ATL3: variants seen among roughly 807,000 people sequenced by gnomAD.
The protein encoded by ATL3 is atlastin-3.
Under a neutral mutation model 69.5 loss-of-function variants are expected in ATL3, and 49 were observed. That is an observed-to-expected ratio of 0.71 (90% CI 0.56 to 0.89). ATL3 has a LOEUF of 0.89. Among genes scored for constraint, ATL3 ranks in the 40% least tolerant of loss-of-function variants. ATL3 has a pLI of 0.00. For synonymous variants in ATL3, 214 were observed against 224.1 expected (o/e 0.95, Z 0.40); for missense variants, 606 against 645.7 (o/e 0.94, Z 0.67).
intron 1 of ATL3, among the ~76,000 whole-genome samples, chr11:63,670,896 G>A (rs920963179): frequency 1.3e-5 from 2 of 152,118 alleles, no homozygotes; most frequent in Non-Finnish European, 2.9e-5. Flanking sequence ...GAGGGGCAGC[G>A]CCCTGGGGCG....
rs113726146 is a variant in ATL3 at position 63,667,334 on chromosome 11, AT to A, written c.46+3955del. On this transcript the variant is annotated intron_variant, in intron 1 of 12. Coordinates refer to ENST00000398868, the MANE Select transcript of ATL3 (RefSeq NM_015459.5). ...GAAAATCTTTGTATAATTAGAAAGC[AT>A]TTTTTTTTTTTTGAGACAGATTCTT... 7.3e-3 allele frequency among the ~76,000 whole-genome samples: 1,061 copies of A among 145,224 alleles called. 8 individuals carry two copies. Among genetic ancestry groups the A allele is most frequent in the African/African-American group, 0.019 (755 of 39,976 alleles).
intron 1 of ATL3, among the ~76,000 whole-genome samples, chr11:63,660,837 T>C (rs1243270999): frequency 1.3e-5 from 2 of 152,170 alleles, no homozygotes; most frequent in Non-Finnish European, 1.5e-5. Context: ...CTAAGCTTTA[T>C]TTAGATATAT....
At chr11:63,666,969 C>T (rs571554237) in intron 1 of ATL3, among the ~76,000 whole-genome samples, 1 of 152,302 alleles carries the variant, frequency 6.6e-6, no homozygotes, top group African/African-American at 2.4e-5. Flanking sequence ...TGTGAATTTA[C>T]AACATATGTT....
intron 8 of ATL3, among the ~76,000 whole-genome samples, chr11:63,641,440 C>A (rs998634592): frequency 6.6e-6 from 1 of 152,146 alleles, no homozygotes; most frequent in African/African-American, 2.4e-5. Flanking sequence ...GAAAGGAGGT[C>A]ATACTGGATT....
chr11:63,638,223 GAAAC>G (rs1337803787), intron 8 of ATL3, among the ~76,000 whole-genome samples: 1 of 152,120 alleles, frequency 6.6e-6, no homozygotes, highest in Non-Finnish European at 1.5e-5. Context: ...TCTCATAACA[GAAAC>G]AAACTCAATC....
chr11:63,644,367 A>ATATAC, intron 6 of ATL3, 106 bp from the exon 7 acceptor site: 50 of 596,592 alleles, frequency 8.4e-5, no homozygotes, highest in Non-Finnish European at 9.9e-5. Flanking sequence ...AAGGGGGTAA[A>ATATAC]GTAGAAGGAT....
At chr11:63,668,604 A>AC (rs2134547734) in intron 1 of ATL3, among the ~76,000 whole-genome samples, 1 of 152,242 alleles carries the variant, frequency 6.6e-6, no homozygotes, top group South Asian at 2.1e-4. Context: ...GGTTTACAAA[A>AC]ATTATCTATG....
At chr11:63,652,326 TAA>T in intron 4 of ATL3, 143 bp downstream of exon 4, 2 of 583,764 alleles carry the variant, frequency 3.4e-6, no homozygotes, top group South Asian at 1.1e-4. Context: ...CTCAAACTTT[TAA>T]AAGTTTAACT....
intron 1 of ATL3, chr11:63,670,556 G>GA (rs1195580021): frequency 1.3e-5 from 2 of 152,240 alleles, no homozygotes; most frequent in Admixed American, 1.3e-4. Flanking sequence ...TCAGATCCGT[G>GA]AATACACGGT....
In ATL3 at chr11:63,659,103, C is replaced by T; in HGVS notation, c.196G>A (p.Ala66Thr). Residue 66 changes from alanine to threonine, a missense_variant, in exon 2 of 13, where the codon GCT becomes ACT. Transcript: ENST00000398868. ...RDLDVVVVSV[A>T]GAFRKGKSFI... is the part of the protein sequence containing the mutation. The stretch of plus-strand genomic sequence containing the variant: ...GACTTGCCCTTTCGGAAGGCACCAG[C>T]CACTGAAACCACCACCACATCAAGA... The T allele has an allele frequency of 6.2e-7, 1 of 1,614,012 alleles. No homozygotes were observed. Among genetic ancestry groups the T allele is most frequent in the Admixed American group, 1.7e-5 (1 of 59,966 alleles).
chr11:63,671,410 C>A, upstream of ATL3: 1 of 1,520,634 alleles, frequency 6.6e-7, no homozygotes, highest in Non-Finnish European at 8.8e-7. Flanking sequence ...ACGAACCGGG[C>A]CCTGGAAGCG....
intron 1 of ATL3, among the ~76,000 whole-genome samples, chr11:63,660,384 C>T (rs903266504): frequency 6.6e-6 from 1 of 152,142 alleles, no homozygotes. Flanking sequence ...CCACTACCTG[C>T]CCATCAGAAT....
At chr11:63,639,916 T>C (rs1253538468) in intron 8 of ATL3, among the ~76,000 whole-genome samples, 1 of 152,122 alleles carries the variant, frequency 6.6e-6, no homozygotes, top group Non-Finnish European at 1.5e-5. Flanking sequence ...GACACACAGA[T>C]TCAACTATCT....
At chr11:63,636,383 T>C (rs769594125) in intron 8 of ATL3, 49 bp from the exon 9 acceptor site, 6 of 1,611,432 alleles carry the variant, frequency 3.7e-6, no homozygotes, top group South Asian at 3.3e-5. Context: ...ACAGCCTTAT[T>C]CAACCAAGGT....
intron 6 of ATL3, 98 bp from the exon 7 acceptor site, chr11:63,644,359 G>T: frequency 4.4e-6 from 3 of 683,518 alleles, no homozygotes; most frequent in Middle Eastern, 3.7e-4. Flanking sequence ...CTTCTACAAA[G>T]GGGGTAAAGT....
At chr11:63,653,053 G>A (rs561635634) in intron 3 of ATL3, among the ~76,000 whole-genome samples, 4 of 152,194 alleles carry the variant, frequency 2.6e-5, no homozygotes, top group East Asian at 3.9e-4. Flanking sequence ...TAGGTCAGGC[G>A]CAATGGCTCA....
rs754345605 is a variant in ATL3, at chr11:63,671,290, C to A, written c.46G>T (p.Asp16Tyr). 1.3e-6 allele frequency: 2 copies of A among 1,584,018 alleles called. No homozygotes were observed. Among genetic ancestry groups the A allele is most frequent in the African/African-American group, 1.4e-5 (1 of 71,632 alleles). ...GATCCAGGGAAAATCGGCGCCTCAC[C>A]TGCTCCTCTTGAGGCAGCTGCTGCC... ...RVAAAASRGA[D>Y]DAMESSKPGP... is the part of the protein sequence containing the mutation. The change falls in exon 1 of 13, where the codon GAT (aspartate) becomes TAT (tyrosine). Residue 16 changes from aspartate (D) to tyrosine (Y), a missense_variant and splice_region_variant. Asp to Tyr is a radical substitution (Grantham distance 160, BLOSUM62 -3). Transcript: ENST00000398868.
Position 63,631,215 on chromosome 11 carries a change from T to A in ATL3, c.1364A>T (p.Tyr455Phe). The A allele has an allele frequency of 6.2e-7, 1 of 1,614,200 alleles. No homozygotes were observed. Among genetic ancestry groups the A allele is most frequent in the Non-Finnish European group, 8.5e-7 (1 of 1,180,028 alleles). ...GAAGCCAGTGAGGCCTGAGGCTATGTACAAAGCTACAATGCCCGTGAACAG... is the reference window on the plus strand; with the variant it reads ...GAAGCCAGTGAGGCCTGAGGCTATGAACAAAGCTACAATGCCCGTGAACAG... ...AVLFTGIVAL[Y>F]IASGLTGFIG... The change falls in exon 12 of 13, where the codon TAC becomes TTC. Residue 455 changes from tyrosine (Y) to phenylalanine (F), a missense_variant. Physicochemically the swap from Tyr to Phe is conservative, Grantham distance 22 (BLOSUM62 3). Transcript: ENST00000398868.
At chr11:63,631,641 T>C (rs1939322330) in intron 11 of ATL3, among the ~76,000 whole-genome samples, 170 bp from the exon 12 acceptor site, 1 of 152,216 alleles carries the variant, frequency 6.6e-6, no homozygotes, top group African/African-American at 2.4e-5. Context: ...TCACTTCCTC[T>C]GAAAAGCACA....
Sources: allele counts gnomAD v4.1 joint callset (sites outside exome capture counted in the v4.1 genomes callset), GRCh38; gene constraint gnomAD v4.1.1; transcripts MANE v1.5; gene names NCBI Gene and HGNC (gene_info 2026-07-23, HGNC 2026-07-21).